Variants in ZNF407 observed in about 807,000 individuals in gnomAD.
ZNF407 encodes zinc finger protein 407.
A neutral mutation model predicts 131.2 loss-of-function variants in ZNF407; 17 were observed. That is an observed-to-expected ratio of 0.13 (90% CI 0.09 to 0.19). The LOEUF (loss-of-function observed/expected upper bound fraction) is 0.19. Among genes scored for constraint, ZNF407 ranks in the 10% least tolerant of loss-of-function variants. ZNF407 has a pLI of 1.00. For synonymous variants in ZNF407, 1,156 were observed against 1,062.0 expected (o/e 1.09, Z -1.72); for missense variants, 2,681 against 2,830.6 (o/e 0.95, Z 1.20).
At chr18:75,040,040 T>C (rs1388252783) in intron 8 of ZNF407, among the ~76,000 whole-genome samples, 1 of 152,176 alleles carries the variant, frequency 6.6e-6, no homozygotes, top group Admixed American at 6.5e-5. Context: ...TTCTTTCATT[T>C]AGAACGTTTG....
At chr18:74,816,645 A>G (rs1970271167) in intron 4 of ZNF407, among the ~76,000 whole-genome samples, 1 of 152,252 alleles carries the variant, frequency 6.6e-6, no homozygotes, top group South Asian at 2.1e-4. Context: ...TAGTGATACA[A>G]TTGGATATGA....
At chr18:74,916,475 A>G in intron 7 of ZNF407, among the ~76,000 whole-genome samples, 1 of 96,012 alleles carries the variant, frequency 1.0e-5, no homozygotes, top group Non-Finnish European at 1.9e-5. Flanking sequence ...ATTGGTTCGA[A>G]TTGGGAGTGT....
At chr18:74,608,647 A>G (rs1315944286) in intron 1 of ZNF407, among the ~76,000 whole-genome samples, 1 of 152,166 alleles carries the variant, frequency 6.6e-6, no homozygotes, top group East Asian at 1.9e-4. Flanking sequence ...GCGCCTGGCC[A>G]GTTCCTTTAG....
intron 8 of ZNF407, among the ~76,000 whole-genome samples, chr18:74,992,786 C>T (rs1308214082): frequency 6.6e-6 from 1 of 152,150 alleles, no homozygotes; most frequent in African/African-American, 2.4e-5. Context: ...AAAGAGTGAA[C>T]ATTCTCACTT....
At chr18:74,934,144 A>G (rs961897627) in intron 8 of ZNF407, among the ~76,000 whole-genome samples, 2 of 152,180 alleles carry the variant, frequency 1.3e-5, no homozygotes, top group African/African-American at 4.8e-5. Context: ...GATTGACAGG[A>G]AGTCATTCTT....
intron 8 of ZNF407, among the ~76,000 whole-genome samples, chr18:74,969,229 G>A (rs1436771919): frequency 2.0e-5 from 3 of 151,988 alleles, no homozygotes; most frequent in Non-Finnish European, 4.4e-5. Context: ...AATTCTTGTC[G>A]GCTTTCTCCA....
intron 4 of ZNF407, among the ~76,000 whole-genome samples, chr18:74,847,668 A>C (rs760266990): frequency 3.3e-5 from 5 of 152,170 alleles, no homozygotes; most frequent in African/African-American, 7.2e-5. Context: ...ATGGTTAATG[A>C]AGGAGAAAGT....
chr18:74,836,661 G>A (rs960314964), intron 4 of ZNF407, among the ~76,000 whole-genome samples: 2 of 152,206 alleles, frequency 1.3e-5, no homozygotes, highest in East Asian at 1.9e-4. Flanking sequence ...TGGATAAACC[G>A]TCTGAGTTAT....
chr18:74,625,068 A>T (rs912516101), intron 1 of ZNF407, among the ~76,000 whole-genome samples: 1 of 152,172 alleles, frequency 6.6e-6, no homozygotes, highest in Non-Finnish European at 1.5e-5. Flanking sequence ...GTATGACTAC[A>T]GTTCCTTTCA....
intron 3 of ZNF407, among the ~76,000 whole-genome samples, chr18:74,763,771 G>A (rs1461143249): frequency 7.1e-6 from 1 of 139,922 alleles, no homozygotes; most frequent in African/African-American, 2.6e-5. Context: ...GGGCAGTGGC[G>A]CGATCTCGGC....
chr18:74,686,888 T>C (rs1308892417), intron 3 of ZNF407, among the ~76,000 whole-genome samples: 1 of 152,252 alleles, frequency 6.6e-6, no homozygotes, highest in African/African-American at 2.4e-5. Flanking sequence ...TTATGTGTGG[T>C]ACATAAATGT....
intron 3 of ZNF407, among the ~76,000 whole-genome samples, chr18:74,655,476 T>G (rs186685412): frequency 2.2e-4 from 34 of 152,214 alleles, no homozygotes; most frequent in Admixed American, 1.8e-3. Context: ...TCCACTAGAT[T>G]ATAGAAATCA....
chr18:74,685,524 A>G (rs1457240065), intron 3 of ZNF407, among the ~76,000 whole-genome samples: 1 of 152,136 alleles, frequency 6.6e-6, no homozygotes, highest in Non-Finnish European at 1.5e-5. Flanking sequence ...TGCTCAGCAC[A>G]TTGTTGTACT....
At chr18:75,030,273 A>G (rs1199450996) in intron 8 of ZNF407, among the ~76,000 whole-genome samples, 1 of 152,188 alleles carries the variant, frequency 6.6e-6, no homozygotes, top group Non-Finnish European at 1.5e-5. Context: ...TATACATTAG[A>G]TTTCACTTCT....
At chr18:74,671,387 GGTA>G (rs1230555875) in intron 3 of ZNF407, among the ~76,000 whole-genome samples, 1 of 151,644 alleles carries the variant, frequency 6.6e-6, no homozygotes, top group Non-Finnish European at 1.5e-5. Flanking sequence ...TAGGTTACGG[GGTA>G]CATGTGAAGG....
chr18:74,656,346 C>CACAT (rs1005497072), intron 3 of ZNF407, among the ~76,000 whole-genome samples: 5 of 151,884 alleles, frequency 3.3e-5, no homozygotes, highest in African/African-American at 1.2e-4. Flanking sequence ...TGTTAGCGTT[C>CACAT]ACATACATAC....
chr18:74,647,154 T>A, intron 3 of ZNF407, among the ~76,000 whole-genome samples: 1 of 152,006 alleles, frequency 6.6e-6, no homozygotes, highest in Non-Finnish European at 1.5e-5. Flanking sequence ...TAAAATGCAA[T>A]TGTGATGGCT....
At chr18:74,622,985 TGTGA>T (rs1286363411) in intron 1 of ZNF407, among the ~76,000 whole-genome samples, 11 of 152,064 alleles carry the variant, frequency 7.2e-5, no homozygotes, top group Non-Finnish European at 1.5e-4. Flanking sequence ...TCAGTGTGAA[TGTGA>T]GTCCGTGTGT....
At chr18:74,718,032 A>AT (rs536999469) in intron 3 of ZNF407, among the ~76,000 whole-genome samples, 4 of 152,054 alleles carry the variant, frequency 2.6e-5, no homozygotes, top group African/African-American at 9.6e-5. Flanking sequence ...CATTCATTCA[A>AT]TTTTTTTTAA....
Sources: allele counts gnomAD v4.1 joint callset (sites outside exome capture counted in the v4.1 genomes callset), GRCh38; gene constraint gnomAD v4.1.1; transcripts MANE v1.5; gene names NCBI Gene and HGNC (gene_info 2026-07-23, HGNC 2026-07-21).